Variants in EXTL3 observed in about 807,000 individuals in gnomAD.
EXTL3 encodes exostosin-like 3.
A neutral mutation model predicts 69.3 loss-of-function variants in EXTL3; 27 were observed. The ratio of observed to expected loss-of-function variants is 0.39; its 90% CI spans 0.29 to 0.54. The LOEUF (loss-of-function observed/expected upper bound fraction) is 0.54. Among genes scored for constraint, EXTL3 ranks in the 20% least tolerant of loss-of-function variants. EXTL3 has a pLI of 0.69. For synonymous variants in EXTL3, 511 were observed against 499.4 expected (o/e 1.02, Z -0.31); for missense variants, 1,003 against 1,231.8 (o/e 0.81, Z 2.78).
rs1032981711 is a variant in EXTL3, at chr8:28,715,811, G to A, written c.-249G>A. ...CAGCAAGAATGTGGCACCTTTTATC[G>A]TTTGATAAAGATTAAGGACATGTTC... is the stretch of plus-strand genomic sequence containing the variant. On this transcript the variant is annotated 5_prime_UTR_variant, in exon 3 of 7. Coordinates refer to ENST00000220562, the MANE Select transcript of EXTL3 (RefSeq NM_001440.4). The A allele has an allele frequency of 8.3e-5, 41 of 495,746 alleles. No individual in the cohort carries two copies. The highest frequency in any genetic ancestry group is 5.9e-4 in the African/African-American group (31 of 52,240). 30.7% of individuals were successfully genotyped at this position (495,746 alleles called of 1,614,324 possible).
chr8:28,681,371 A>T (rs1448234374), intron 1 of EXTL3, among the ~76,000 whole-genome samples: 3 of 151,724 alleles, frequency 2.0e-5, no homozygotes, highest in Non-Finnish European at 2.9e-5. Context: ...CAAAAAAATT[A>T]GCTGGGCATG....
At chr8:28,618,023 C>T (rs78352772), upstream of EXTL3, among the ~76,000 whole-genome samples, 2 of 152,150 alleles carry the variant, frequency 1.3e-5, no homozygotes, top group African/African-American at 4.8e-5. Flanking sequence ...TTAATAGATA[C>T]GGAGTTTATC....
chr8:28,653,319 T>C (rs1220890635), intron 1 of EXTL3, among the ~76,000 whole-genome samples: 1 of 152,234 alleles, frequency 6.6e-6, no homozygotes, highest in Middle Eastern at 3.2e-3. Flanking sequence ...ATTCTGTGGA[T>C]TGTGTTTTTA....
upstream of EXTL3, among the ~76,000 whole-genome samples, chr8:28,618,560 C>T (rs746513091): frequency 3.5e-4 from 53 of 152,082 alleles, no homozygotes; most frequent in Middle Eastern, 3.4e-3. Flanking sequence ...ACGTCCGGCA[C>T]GAAAGAGGTT....
intron 2 of EXTL3, among the ~76,000 whole-genome samples, chr8:28,608,647 G>A (rs1282492235): frequency 6.6e-6 from 1 of 151,936 alleles, no homozygotes; most frequent in African/African-American, 2.4e-5. Flanking sequence ...GGGATCACTT[G>A]AGCTCAGGAG....
At chr8:28,743,518 A>G (rs1205064893) in intron 6 of EXTL3, among the ~76,000 whole-genome samples, 1 of 152,256 alleles carries the variant, frequency 6.6e-6, no homozygotes, top group Non-Finnish European at 1.5e-5. Context: ...GAAACAGGCT[A>G]TAATTCATAA....
chr8:28,718,258 C>G (rs1440962017), intron 3 of EXTL3, 51 bp downstream of exon 3: 1 of 1,559,556 alleles, frequency 6.4e-7, no homozygotes, highest in African/African-American at 1.4e-5. Flanking sequence ...GTATTTCACT[C>G]TTAATCCCTT....
At chr8:28,742,233 A>C (rs1411975299) in intron 5 of EXTL3, 1 of 152,190 alleles carries the variant, frequency 6.6e-6, no homozygotes, top group African/African-American at 2.4e-5. Context: ...TTTTTAATAT[A>C]ATTTTAATTT....
At chr8:28,629,105 C>A (rs1050914279) in intron 1 of EXTL3, among the ~76,000 whole-genome samples, 1 of 152,152 alleles carries the variant, frequency 6.6e-6, no homozygotes, top group African/African-American at 2.4e-5. Flanking sequence ...GGTCACTGAG[C>A]AACTTCAAGC....
chr8:28,641,695 A>C (rs1806744658), intron 1 of EXTL3, among the ~76,000 whole-genome samples: 1 of 151,372 alleles, frequency 6.6e-6, no homozygotes, highest in Admixed American at 6.6e-5. Context: ...CTGGTCTCAA[A>C]CTCCTGACCT....
chr8:28,715,519 A>G (rs188927708), intron 2 of EXTL3, 66 bp from the exon 3 acceptor site: 1 of 154,576 alleles, frequency 6.5e-6, no homozygotes, highest in East Asian at 1.9e-4. Context: ...TTTTCTAGAA[A>G]TGTATGGTGG....
intron 3 of EXTL3, among the ~76,000 whole-genome samples, chr8:28,728,662 G>A (rs766175590): frequency 1.3e-5 from 2 of 152,136 alleles, no homozygotes; most frequent in African/African-American, 2.4e-5. Context: ...GAGGGAGGGG[G>A]AATGCTTGAG....
At chr8:28,710,573 A>C (rs553468888) in intron 1 of EXTL3, 3 of 398,108 alleles carry the variant, frequency 7.5e-6, no homozygotes, top group Non-Finnish European at 1.5e-5. Context: ...TTTTATGTCT[A>C]TATTCATGAG....
chr8:28,609,148 G>C (rs980845591), intron 2 of EXTL3, among the ~76,000 whole-genome samples: 1 of 152,018 alleles, frequency 6.6e-6, no homozygotes, highest in Non-Finnish European at 1.5e-5. Flanking sequence ...AAATAAGGCC[G>C]ATTTGTCCAG....
At chr8:28,746,402 T>A (rs371031444) in intron 6 of EXTL3, among the ~76,000 whole-genome samples, 2 of 152,186 alleles carry the variant, frequency 1.3e-5, no homozygotes, top group Non-Finnish European at 2.9e-5. Context: ...GAAGCCGAAA[T>A]GCAAGTGAAC....
intron 1 of EXTL3, among the ~76,000 whole-genome samples, chr8:28,657,545 C>T (rs1807031234): frequency 1.3e-5 from 2 of 152,246 alleles, no homozygotes; most frequent in South Asian, 4.1e-4. Context: ...TTATGCTGTC[C>T]ATCTGAGCTT....
In EXTL3 at chr8:28,751,683, C is replaced by G. The variant is rs193105254; in HGVS notation, c.*817C>G. ...TACTTATCCCTGCTCTCCCATTTCT[C>G]TCTTGTTTGAGAGAGAATGAGGAAG... On this transcript the variant is annotated 3_prime_UTR_variant, in exon 7 of 7. Transcript: ENST00000220562. 2 of 150,608 alleles carry G rather than the reference C, an allele frequency of 1.3e-5. No individual in the cohort carries two copies. The highest frequency in any genetic ancestry group is 6.6e-5 in the Admixed American group (1 of 15,230). The allele number at this position is 150,608 out of a possible 1,614,324, so 9.3% of individuals were successfully genotyped here.
intron 1 of EXTL3, among the ~76,000 whole-genome samples, chr8:28,659,485 C>G (rs929258789): frequency 6.6e-6 from 1 of 152,190 alleles, no homozygotes; most frequent in Non-Finnish European, 1.5e-5. Context: ...TTCGATTTCT[C>G]TCTCCAAAGT....
At chr8:28,711,893 T>A (rs1801037938) in intron 1 of EXTL3, among the ~76,000 whole-genome samples, 1 of 152,056 alleles carries the variant, frequency 6.6e-6, no homozygotes, top group Non-Finnish European at 1.5e-5. Flanking sequence ...GAGGAAGTGA[T>A]CAGTGATAGG....
Sources: gnomAD v4.1 joint callset for allele counts (sites outside exome capture counted in the v4.1 genomes callset) on GRCh38, gnomAD v4.1.1 for gene constraint, MANE v1.5 for transcripts, NCBI Gene and HGNC (gene_info 2026-07-23, HGNC 2026-07-21) for gene names.